ZSCAN5A: variants seen among roughly 807,000 people sequenced by gnomAD.
ZSCAN5A encodes zinc finger and SCAN domain-containing protein 5A.
Under a neutral mutation model 23.7 loss-of-function variants are expected in ZSCAN5A, and 12 were observed. The ratio of observed to expected loss-of-function variants is 0.51; its 90% CI spans 0.32 to 0.82. The LOEUF (loss-of-function observed/expected upper bound fraction) is 0.82. ZSCAN5A is among the 40% of genes least tolerant of loss of function. The pLI is 0.03. For missense variants in ZSCAN5A, 597 were observed against 617.9 expected (o/e 0.97, Z 0.36); for synonymous variants, 257 against 239.9 (o/e 1.07, Z -0.66).
intron 2 of ZSCAN5A, among the ~76,000 whole-genome samples, chr19:56,253,267 CAAAAAAA>C (rs60969244): frequency 4.6e-5 from 5 of 109,094 alleles, no homozygotes; most frequent in African/African-American, 1.5e-4. Context: ...GAGGCTGTCT[CAAAAAAA>C]AAAAAAAAAA....
intron 2 of ZSCAN5A, among the ~76,000 whole-genome samples, chr19:56,280,374 C>A (rs1181293304): frequency 1.3e-5 from 2 of 152,074 alleles, no homozygotes; most frequent in African/African-American, 4.8e-5. Flanking sequence ...AGGTTGTTTT[C>A]AGTAGTTTGC....
chr19:56,272,572 G>A (rs1371102217), intron 2 of ZSCAN5A, among the ~76,000 whole-genome samples: 3 of 152,180 alleles, frequency 2.0e-5, no homozygotes, highest in Admixed American at 1.3e-4. Context: ...GGCAGGATTT[G>A]GCCAGCAGAT....
rs146100780 is a variant in ZSCAN5A, at chr19:56,255,135, G to T, written c.-127-29962C>A. Among the ~76,000 whole-genome samples the T allele has an allele frequency of 7.9e-5, 12 of 152,186 alleles. No homozygotes were observed. In the East Asian group the frequency reaches 2.1e-3, roughly 27 times the overall value. Reference sequence around the variant, plus strand: ...ACGTTATCAGTTTATGATTTGTCGTGTTCTGACATTTTCACAGGCTTTCTG... The same window carrying T: ...ACGTTATCAGTTTATGATTTGTCGTTTTCTGACATTTTCACAGGCTTTCTG... On this transcript the variant is annotated intron_variant, in intron 2 of 5. Transcript: ENST00000683990.
At chr19:56,322,427 C>T (rs939593600) in intron 2 of ZSCAN5A, 55 of 593,296 alleles carry the variant, frequency 9.3e-5, no homozygotes, top group Admixed American at 8.1e-5. Flanking sequence ...CGGGCGACCC[C>T]GCAACCCCAC....
chr19:56,277,237 G>A (rs1271676335), intron 2 of ZSCAN5A, among the ~76,000 whole-genome samples: 1 of 152,192 alleles, frequency 6.6e-6, no homozygotes, highest in Non-Finnish European at 1.5e-5. Context: ...ATGCACAAAT[G>A]TTCACAGCAG....
intron 2 of ZSCAN5A, chr19:56,245,384 C>G: frequency 4.0e-6 from 3 of 748,278 alleles, no homozygotes; most frequent in Non-Finnish European, 7.4e-6. Flanking sequence ...CAGCCAAGAG[C>G]TGCAGACCCT....
chr19:56,362,685 C>T (rs1204871297), intron 2 of ZSCAN5A, among the ~76,000 whole-genome samples: 6 of 152,048 alleles, frequency 3.9e-5, no homozygotes, highest in African/African-American at 7.3e-5. Flanking sequence ...CTGGCTAACA[C>T]GGTAAAACCC....
At chr19:56,323,168 A>G (rs1271016999) in intron 2 of ZSCAN5A, among the ~76,000 whole-genome samples, 1 of 152,082 alleles carries the variant, frequency 6.6e-6, no homozygotes, top group Admixed American at 6.5e-5. Flanking sequence ...TGCTGGGATT[A>G]CAGGCGTGAG....
intron 2 of ZSCAN5A, among the ~76,000 whole-genome samples, chr19:56,299,492 A>T (rs1362778798): frequency 6.6e-6 from 1 of 152,134 alleles, no homozygotes; most frequent in East Asian, 1.9e-4. Flanking sequence ...GAACAGCTTA[A>T]TATAATAAGG....
rs1568759150 is a variant in ZSCAN5A at position 56,339,323 on chromosome 19, T to TGTAGCCGCATTTAGCAATATGC, written c.-357-23056_-357-23055insGCATATTGCTAAATGCGGCTAC. On this transcript the variant is annotated intron_variant, in intron 2 of 6. Coordinates refer to the ZSCAN5A transcript ENST00000587340. The stretch of plus-strand genomic sequence containing the variant: ...GGCTGTAGCCGCATTTAGCAATATG[T>TGTAGCCGCATTTAGCAATATGC]GAAGGAGCGGCTGTAGCCGCATTTA... 9.1e-3 allele frequency among the ~76,000 whole-genome samples: 1,089 copies of TGTAGCCGCATTTAGCAATATGC among 119,216 alleles called. 4 individuals carry two copies. The highest frequency in any genetic ancestry group is 0.089 in the East Asian group (258 of 2,900). 78.2% of individuals were successfully genotyped at this position (119,216 alleles called of 152,430 possible). A position where few individuals can be genotyped will look rare whatever the true frequency, so the allele number is the denominator to read the frequency against.
intron 2 of ZSCAN5A, chr19:56,310,495 T>C (rs1452996883): frequency 1.3e-5 from 2 of 152,268 alleles, no homozygotes; most frequent in African/African-American, 4.8e-5. Flanking sequence ...CACTGAAAAC[T>C]AACAGGTATG....
chr19:56,284,308 C>A, intron 2 of ZSCAN5A: 1 of 317,582 alleles, frequency 3.1e-6, no homozygotes, highest in Non-Finnish European at 4.6e-6. Context: ...TGTGTGTATT[C>A]ATTGGTGGGT....
chr19:56,302,352 T>G (rs945913312), intron 2 of ZSCAN5A, among the ~76,000 whole-genome samples: 1 of 142,696 alleles, frequency 7.0e-6, no homozygotes, highest in Non-Finnish European at 1.5e-5. Context: ...TCCTCTTCCT[T>G]TTTTCTTCCC....
At chr19:56,249,787 C>A (rs1034973798) in intron 2 of ZSCAN5A, among the ~76,000 whole-genome samples, 1 of 152,136 alleles carries the variant, frequency 6.6e-6, no homozygotes, top group Non-Finnish European at 1.5e-5. Flanking sequence ...CCATCCAAGG[C>A]GCCACATTGC....
At chr19:56,223,923 T>C in intron 3 of ZSCAN5A, 89 bp from the exon 4 acceptor site, 1 of 1,145,168 alleles carries the variant, frequency 8.7e-7, no homozygotes, top group Non-Finnish European at 1.2e-6. Flanking sequence ...TGCTCACACT[T>C]TACTGTAATT....
At chr19:56,354,517 G>C (rs1293465317) in intron 2 of ZSCAN5A, 4 of 152,254 alleles carry the variant, frequency 2.6e-5, no homozygotes, top group African/African-American at 9.6e-5. Flanking sequence ...TGTAGTGGTG[G>C]GGTCAATGTC....
At chr19:56,325,958 A>T (rs1403286558) in intron 2 of ZSCAN5A, among the ~76,000 whole-genome samples, 1 of 149,616 alleles carries the variant, frequency 6.7e-6, no homozygotes, top group African/African-American at 2.5e-5. Flanking sequence ...TTTGAGATGG[A>T]GTCTTGCTCT....
chr19:56,275,463 G>T (rs930425817), intron 2 of ZSCAN5A, among the ~76,000 whole-genome samples: 2 of 152,168 alleles, frequency 1.3e-5, no homozygotes, highest in African/African-American at 4.8e-5. Flanking sequence ...GGGTGCAGTG[G>T]CTCAAGCCTT....
intron 2 of ZSCAN5A, among the ~76,000 whole-genome samples, chr19:56,252,539 T>A (rs2036419273): frequency 6.6e-6 from 1 of 152,110 alleles, no homozygotes; most frequent in Admixed American, 6.5e-5. Context: ...TTTATGGTGC[T>A]TAGGGGATGG....
Sources: allele counts gnomAD v4.1 joint callset (sites outside exome capture counted in the v4.1 genomes callset), GRCh38; gene constraint gnomAD v4.1.1; transcripts MANE v1.5; gene names NCBI Gene and HGNC (gene_info 2026-07-23, HGNC 2026-07-21).